Variants in PCTP observed in about 807,000 individuals in gnomAD.
PCTP encodes the protein START domain-containing protein 2.
Under a neutral mutation model 31.0 loss-of-function variants are expected in PCTP, and 27 were observed. The observed-to-expected ratio is 0.87, with a 90% CI of 0.64 to 1.20. PCTP has a LOEUF of 1.20. PCTP is among the 50% of genes most tolerant of loss of function. The pLI is 0.00. For synonymous variants in PCTP, 108 were observed against 101.2 expected, an observed-to-expected ratio of 1.07 and a Z score of -0.40; for missense variants, 287 against 268.2, an observed-to-expected ratio of 1.07 and a Z score of -0.49.
intron 5 of PCTP, among the ~76,000 whole-genome samples, chr17:55,839,945 A>AAAC (rs1905918268): frequency 1.4e-5 from 2 of 143,900 alleles, no homozygotes; most frequent in Admixed American, 6.8e-5. Context: ...AAAAAAAAAA[A>AAAC]AACAACTGAA....
chr17:55,785,161 T>G (rs1414618627), intron 2 of PCTP, among the ~76,000 whole-genome samples: 1 of 152,278 alleles, frequency 6.6e-6, no homozygotes. Flanking sequence ...CCTTCGTCCA[T>G]TCTTGCTCAC....
chr17:55,767,199 C>T, intron 1 of PCTP, 136 bp from the exon 2 acceptor site: 1 of 436,938 alleles, frequency 2.3e-6, no homozygotes, highest in South Asian at 3.7e-5. Flanking sequence ...AAATTTTCTC[C>T]CATTTTGTAG....
chr17:55,788,420 C>G (rs996482684), intron 3 of PCTP, among the ~76,000 whole-genome samples: 2 of 152,128 alleles, frequency 1.3e-5, no homozygotes, highest in Non-Finnish European at 2.9e-5. Flanking sequence ...TAGCCAAACC[C>G]CATATTTACT....
chr17:55,784,747 G>T (rs1911688345), intron 2 of PCTP, among the ~76,000 whole-genome samples: 2 of 152,200 alleles, frequency 1.3e-5, no homozygotes, highest in Admixed American at 1.3e-4. Context: ...AACCTCTTCT[G>T]CTGTAATGCA....
chr17:55,767,036 GT>G (rs552940170), intron 1 of PCTP, among the ~76,000 whole-genome samples: 68 of 152,270 alleles, frequency 4.5e-4, no homozygotes, highest in African/African-American at 1.6e-3. Context: ...TTTTTCATGT[GT>G]TTTTTGGCTG....
chr17:55,791,284 CA>C (rs1359724774), intron 3 of PCTP, among the ~76,000 whole-genome samples: 1 of 151,612 alleles, frequency 6.6e-6, no homozygotes, highest in African/African-American at 2.4e-5. Context: ...GCAATGGCAA[CA>C]AAAGCCAAAA....
At chr17:55,824,779 A>T (rs1488604488), downstream of PCTP, among the ~76,000 whole-genome samples, 2 of 152,118 alleles carry the variant, frequency 1.3e-5, no homozygotes, top group African/African-American at 2.4e-5. Flanking sequence ...AGCCTCACTA[A>T]ACTCCCTCTT....
chr17:55,828,654 G>C (rs1905484816), intron 5 of PCTP, among the ~76,000 whole-genome samples: 1 of 152,146 alleles, frequency 6.6e-6, no homozygotes, highest in Middle Eastern at 3.2e-3. Flanking sequence ...ATGTGTCTTT[G>C]TGCGGGGGAG....
chr17:55,820,266 A>G (rs1309871256), intron 3 of PCTP, among the ~76,000 whole-genome samples: 4 of 152,362 alleles, frequency 2.6e-5, no homozygotes, highest in East Asian at 3.9e-4. Context: ...TGCAAATCAT[A>G]TATCTGATAA....
intron 2 of PCTP, chr17:55,770,451 A>G (rs1910920087): frequency 6.6e-6 from 1 of 152,230 alleles, no homozygotes; most frequent in Non-Finnish European, 1.5e-5. Flanking sequence ...TTGGTACTCT[A>G]GTGACATCTG....
intron 3 of PCTP, among the ~76,000 whole-genome samples, chr17:55,808,109 G>A (rs551364639): frequency 2.6e-4 from 40 of 152,148 alleles, no homozygotes; most frequent in African/African-American, 9.4e-4. Flanking sequence ...AACAACCTGA[G>A]GTAGAGTACC....
intron 5 of PCTP, among the ~76,000 whole-genome samples, chr17:55,829,526 T>A (rs9893488): frequency 0.18 from 27,684 of 152,056 alleles, 2,762 homozygotes; most frequent in African/African-American, 0.27. Flanking sequence ...TTCAGGCTGA[T>A]CTCAAACTCC....
intron 3 of PCTP, among the ~76,000 whole-genome samples, chr17:55,804,556 C>T (rs1195986329): frequency 6.6e-6 from 1 of 152,174 alleles, no homozygotes; most frequent in Non-Finnish European, 1.5e-5. Context: ...AGTTCCTGTC[C>T]TTTGCAGGGA....
At chr17:55,755,295 A>G (rs1909950762) in intron 1 of PCTP, among the ~76,000 whole-genome samples, 1 of 152,198 alleles carries the variant, frequency 6.6e-6, no homozygotes, top group African/African-American at 2.4e-5. Flanking sequence ...CACACTCAGC[A>G]TAGAGGTGGC....
At chr17:55,802,541 C>T in intron 3 of PCTP, among the ~76,000 whole-genome samples, 1 of 152,140 alleles carries the variant, frequency 6.6e-6, no homozygotes, top group Non-Finnish European at 1.5e-5. Flanking sequence ...TCGGCTTTAT[C>T]CCTGGGATGC....
chr17:55,827,409 G>A (rs1422104708), downstream of PCTP, among the ~76,000 whole-genome samples: 1 of 152,230 alleles, frequency 6.6e-6, no homozygotes, highest in East Asian at 1.9e-4. Flanking sequence ...TGAAGCATAA[G>A]TAAGCTCAGC....
intron 3 of PCTP, among the ~76,000 whole-genome samples, chr17:55,809,468 G>A (rs1256621406): frequency 6.6e-6 from 1 of 151,758 alleles, no homozygotes; most frequent in Non-Finnish European, 1.5e-5. Context: ...GGAACCTACA[G>A]CTTCTGACTT....
intron 5 of PCTP, among the ~76,000 whole-genome samples, chr17:55,832,518 T>A (rs1905635515): frequency 6.6e-6 from 1 of 152,200 alleles, no homozygotes; most frequent in African/African-American, 2.4e-5. Flanking sequence ...TTGGTGGTGT[T>A]CTTTCTTTGC....
At chr17:55,781,569 A>G (rs974110449), downstream of PCTP, among the ~76,000 whole-genome samples, 4 of 152,236 alleles carry the variant, frequency 2.6e-5, no homozygotes, top group African/African-American at 9.6e-5. Context: ...GTTTCAGTCA[A>G]CAACAGACTG....
Sources: gnomAD v4.1 joint callset for allele counts (sites outside exome capture counted in the v4.1 genomes callset) on GRCh38, gnomAD v4.1.1 for gene constraint, MANE v1.5 for transcripts, NCBI Gene and HGNC (gene_info 2026-07-23, HGNC 2026-07-21) for gene names.